Variants in RNF150 observed in about 807,000 individuals in gnomAD.
The protein encoded by RNF150 is ring finger protein 150.
In RNF150, 24 loss-of-function variants were observed where a neutral mutation model predicts 39.3. The ratio of observed to expected loss-of-function variants is 0.61; its 90% CI spans 0.44 to 0.86. The LOEUF is 0.86. Ranked by LOEUF, RNF150 falls within the 40% of genes least tolerant of loss-of-function variation. The pLI, the probability that RNF150 is intolerant of heterozygous loss-of-function variation, is 0.00. For synonymous variants in RNF150, 255 were observed against 227.3 expected, an observed-to-expected ratio of 1.12 and a Z score of -1.10; for missense variants, 502 against 587.8, an observed-to-expected ratio of 0.85 and a Z score of 1.51.
chr4:141,201,220 G>A (rs949586608), intron 1 of RNF150, among the ~76,000 whole-genome samples: 6 of 152,058 alleles, frequency 3.9e-5, no homozygotes, highest in Admixed American at 3.3e-4. Context: ...ATGCATTCTG[G>A]CCCAAATTGA....
chr4:140,913,835 G>C (rs1730710936), intron 5 of RNF150, among the ~76,000 whole-genome samples: 1 of 152,176 alleles, frequency 6.6e-6, no homozygotes, highest in South Asian at 2.1e-4. Context: ...GGAAACTTGG[G>C]CATGATCTGC....
At chr4:140,916,149 C>G (rs12646204) in intron 5 of RNF150, among the ~76,000 whole-genome samples, 2 of 150,698 alleles carry the variant, frequency 1.3e-5, no homozygotes, top group African/African-American at 2.4e-5. Flanking sequence ...TCTCCTCCTC[C>G]AAAAGAATGC....
intron 1 of RNF150, among the ~76,000 whole-genome samples, chr4:141,005,085 G>C (rs894412144): frequency 1.4e-4 from 22 of 152,290 alleles, no homozygotes; most frequent in African/African-American, 5.3e-4. Flanking sequence ...GGAAGAATGA[G>C]GGAGCGGTTG....
chr4:141,182,736 G>A (rs1578784861), intron 1 of RNF150, among the ~76,000 whole-genome samples: 5 of 87,254 alleles, frequency 5.7e-5, no homozygotes, highest in African/African-American at 1.4e-4. Context: ...AATCAATATC[G>A]TGAAAATGGC....
chr4:140,964,734 A>C (rs1035128352), intron 2 of RNF150, among the ~76,000 whole-genome samples: 3 of 152,076 alleles, frequency 2.0e-5, no homozygotes, highest in Non-Finnish European at 2.9e-5. Context: ...TAATGATTCT[A>C]AATTCATACA....
chr4:140,951,555 T>TG (rs1732541222), intron 2 of RNF150, among the ~76,000 whole-genome samples: 7 of 150,662 alleles, frequency 4.6e-5, no homozygotes, highest in South Asian at 2.1e-4. Flanking sequence ...GTTGTTGTTT[T>TG]TTTTTTTTTT....
chr4:141,202,228 T>A (rs2111218326), intron 1 of RNF150, among the ~76,000 whole-genome samples: 1 of 152,234 alleles, frequency 6.6e-6, no homozygotes, highest in East Asian at 1.9e-4. Flanking sequence ...CAAGGAAAAA[T>A]CTTAAATGTT....
chr4:141,087,109 T>C (rs13141278), intron 1 of RNF150, among the ~76,000 whole-genome samples: 55,552 of 152,004 alleles, frequency 0.37, 12,078 homozygotes, highest in Non-Finnish European at 0.48. Context: ...CAGTGCTCAA[T>C]AGTTATCTTT....
At chr4:141,084,973 G>A (rs866692732) in intron 1 of RNF150, among the ~76,000 whole-genome samples, 2 of 152,116 alleles carry the variant, frequency 1.3e-5, no homozygotes, top group Non-Finnish European at 2.9e-5. Flanking sequence ...ACTTCTGAGG[G>A]TTAGACCATA....
At chr4:141,106,559 G>A (rs1449025327) in intron 1 of RNF150, among the ~76,000 whole-genome samples, 4 of 152,076 alleles carry the variant, frequency 2.6e-5, no homozygotes, top group East Asian at 1.9e-4. Context: ...TTGGGAGGCC[G>A]AGGCAGGTGG....
Position 140,872,994 on chromosome 4 carries a change from A to G in RNF150, c.1199-4615T>C, listed in dbSNP as rs538089329. 4.6e-5 allele frequency among the ~76,000 whole-genome samples: 7 copies of G among 152,324 alleles called. No individual in the cohort carries two copies. In the South Asian group the frequency reaches 1.2e-3, roughly 27 times the overall value. On this transcript the variant is annotated intron_variant, in intron 6 of 6. Coordinates refer to ENST00000515673, the MANE Select transcript of RNF150 (RefSeq NM_020724.2). ...TTTTGTTTTAATAGGAAGTGATTGT[A>G]GCATGAGAAGATAAGGCCAGGGACA...
chr4:140,976,020 C>T (rs1156472613), intron 1 of RNF150, among the ~76,000 whole-genome samples: 2 of 152,172 alleles, frequency 1.3e-5, no homozygotes, highest in Non-Finnish European at 2.9e-5. Flanking sequence ...CCTAACAGCC[C>T]TGGTGTTAGA....
intron 6 of RNF150, among the ~76,000 whole-genome samples, chr4:140,882,444 C>T (rs1157763642): frequency 6.6e-6 from 1 of 152,038 alleles, no homozygotes; most frequent in Non-Finnish European, 1.5e-5. Flanking sequence ...TCTGTTTGAT[C>T]CAACTGATCT....
intron 1 of RNF150, among the ~76,000 whole-genome samples, chr4:141,168,711 G>A (rs554789803): frequency 3.3e-5 from 5 of 152,192 alleles, no homozygotes; most frequent in Admixed American, 3.3e-4. Flanking sequence ...ACCAAACACC[G>A]CATGTTCTCA....
chr4:141,011,254 TA>T (rs142736878), intron 1 of RNF150, among the ~76,000 whole-genome samples: 10 of 148,660 alleles, frequency 6.7e-5, no homozygotes, highest in South Asian at 2.1e-4. Context: ...AATTCAAAAG[TA>T]AAAAAAAAAC....
chr4:141,012,394 C>G (rs184781725), intron 1 of RNF150, among the ~76,000 whole-genome samples: 1 of 152,228 alleles, frequency 6.6e-6, no homozygotes, highest in Admixed American at 6.5e-5. Context: ...GGGCCTCCCC[C>G]ACTTTGTACT....
chr4:141,040,849 TATAG>T lies in RNF150; in HGVS notation c.485-72980_485-72977del, dbSNP rs537252057. On this transcript the variant is annotated intron_variant, in intron 1 of 6. Coordinates refer to ENST00000515673, the MANE Select transcript of RNF150 (RefSeq NM_020724.2). Reference sequence around the variant, plus strand: ...TATGCAGCATTAATTTTAAAATGTCTATAGATAATGTTTTACAAAATTCAAATAT... The same window carrying T: ...TATGCAGCATTAATTTTAAAATGTCTATAATGTTTTACAAAATTCAAATAT... 6.6e-5 allele frequency among the ~76,000 whole-genome samples: 10 copies of T among 152,322 alleles called. No individual in the cohort carries two copies. In the East Asian group the frequency reaches 1.9e-3, roughly 29 times the overall value.
chr4:141,122,877 T>C (rs184377021), intron 1 of RNF150, among the ~76,000 whole-genome samples: 3 of 152,320 alleles, frequency 2.0e-5, no homozygotes, highest in African/African-American at 7.2e-5. Flanking sequence ...AAGAAAAACG[T>C]TTTATTAATA....
At chr4:141,189,023 A>G (rs1398890711) in intron 1 of RNF150, among the ~76,000 whole-genome samples, 1 of 152,132 alleles carries the variant, frequency 6.6e-6, no homozygotes, top group East Asian at 1.9e-4. Context: ...GGATTTATCT[A>G]CCTTTGATCT....
Sources: gnomAD v4.1 joint callset for allele counts (sites outside exome capture counted in the v4.1 genomes callset) on GRCh38, gnomAD v4.1.1 for gene constraint, MANE v1.5 for transcripts, NCBI Gene and HGNC (gene_info 2026-07-23, HGNC 2026-07-21) for gene names.